GLIS1: variants seen among roughly 807,000 people sequenced by gnomAD.
GLIS1 encodes the protein zinc finger protein GLIS1.
Under a neutral mutation model 63.8 loss-of-function variants are expected in GLIS1, and 24 were observed. That is an observed-to-expected ratio of 0.38 (90% CI 0.27 to 0.53). GLIS1 has a LOEUF of 0.53. GLIS1 is among the 20% of genes least tolerant of loss of function. The pLI, the probability that GLIS1 is intolerant of heterozygous loss-of-function variation, is 0.85. For synonymous variants in GLIS1, 450 were observed against 482.5 expected (o/e 0.93, Z 0.88); for missense variants, 1,036 against 1,074.1 (o/e 0.96, Z 0.50).
Position 53,614,904 on chromosome 1 carries a change from A to ACG in GLIS1, c.260-14627_260-14626insCG, listed in dbSNP as rs563376429. Among the ~76,000 whole-genome samples the ACG allele has an allele frequency of 1.7e-3, 230 of 138,198 alleles. 2 individuals carry two copies. Among genetic ancestry groups the ACG allele is most frequent in the African/African-American group, 6.0e-3 (212 of 35,132 alleles). The allele number at this position is 138,198 out of a possible 152,430, so 90.7% of individuals were successfully genotyped here. A position where few individuals can be genotyped will look rare whatever the true frequency, so the allele number is the denominator to read the frequency against. On this transcript the variant is annotated intron_variant, in intron 2 of 10. Coordinates refer to ENST00000628545, the MANE Select transcript of GLIS1 (RefSeq NM_001367484.1). ...CTCTCTTATACTCACATATTCGTGCACACACTCACACACACTCTCACACAC... is the reference window on the plus strand; with the variant it reads ...CTCTCTTATACTCACATATTCGTGCACGCACACTCACACACACTCTCACACAC...
chr1:53,711,561 G>A (rs1170924568), intron 2 of GLIS1, among the ~76,000 whole-genome samples: 12 of 152,074 alleles, frequency 7.9e-5, no homozygotes, highest in Non-Finnish European at 1.0e-4. Context: ...CCCGGGGTCC[G>A]CCAAGCTAAG....
At chr1:53,692,909 G>A (rs1276507857) in intron 2 of GLIS1, among the ~76,000 whole-genome samples, 1 of 152,214 alleles carries the variant, frequency 6.6e-6, no homozygotes, top group East Asian at 1.9e-4. Context: ...TTCACTGGCT[G>A]GACTGGCCTC....
rs566746351 is a variant in GLIS1, at chr1:53,509,312, G to A, written c.2063-25C>T. The A allele has an allele frequency of 1.0e-4, 157 of 1,542,868 alleles. 2 individuals are homozygous for A. In the South Asian group the frequency reaches 1.3e-3, roughly 13 times the overall value. ...CCTGCAGACGGGGGTAGCAGGGGCC[G>A]CGTTCACAAAGGAGAAGTGCCCAGG... On this transcript the variant is annotated intron_variant, in intron 9 of 10. Transcript: ENST00000628545.
chr1:53,528,596 T>A (rs1412828177), intron 5 of GLIS1, among the ~76,000 whole-genome samples: 1 of 152,102 alleles, frequency 6.6e-6, no homozygotes, highest in African/African-American at 2.4e-5. Flanking sequence ...CCCTGCTGTT[T>A]TCTGGGCACT....
At chr1:53,671,892 C>T (rs574611626) in intron 2 of GLIS1, among the ~76,000 whole-genome samples, 3 of 152,094 alleles carry the variant, frequency 2.0e-5, no homozygotes, top group Non-Finnish European at 4.4e-5. Flanking sequence ...AACTCCAAAG[C>T]TCCTTCCCCT....
At position 53,510,033 on chromosome 1, in the gene GLIS1, G is replaced by A. The variant is rs1405959039; in HGVS notation, c.1884-6C>T. On this transcript the variant is annotated splice_region_variant and splice_polypyrimidine_tract_variant and intron_variant, in intron 8 of 10. Coordinates refer to ENST00000628545, the MANE Select transcript of GLIS1 (RefSeq NM_001367484.1). ...AGAGGAGGCCGGGCCCCAACCTGGA[G>A]AGAACAGAGGTGCCCATCAGCAGGC... 2 of 1,260,986 alleles carry A rather than the reference G, an allele frequency of 1.6e-6. No individual in the cohort carries two copies. The highest frequency in any genetic ancestry group is 3.9e-5 in the South Asian group (1 of 25,486). The allele number at this position is 1,260,986 out of a possible 1,614,324, so 78.1% of individuals were successfully genotyped here. A position where few individuals can be genotyped will look rare whatever the true frequency, so the allele number is the denominator to read the frequency against.
chr1:53,592,257 C>T (rs986356457), intron 4 of GLIS1, among the ~76,000 whole-genome samples: 1 of 152,192 alleles, frequency 6.6e-6, no homozygotes. Flanking sequence ...GCTAGATCCT[C>T]TCTGACTTCC....
chr1:53,595,199 G>A (rs1645242628), intron 3 of GLIS1, among the ~76,000 whole-genome samples: 1 of 152,026 alleles, frequency 6.6e-6, no homozygotes, highest in East Asian at 1.9e-4. Context: ...GGAGAGAGAG[G>A]AAGAGAAGGG....
At chr1:53,695,226 C>G (rs1296875221) in intron 2 of GLIS1, among the ~76,000 whole-genome samples, 1 of 152,254 alleles carries the variant, frequency 6.6e-6, no homozygotes, top group Non-Finnish European at 1.5e-5. Context: ...ACTTATGTGA[C>G]CACAGGCCGT....
At chr1:53,600,380 C>T in intron 2 of GLIS1, 102 bp from the exon 3 acceptor site, 1 of 615,696 alleles carries the variant, frequency 1.6e-6, no homozygotes, top group Non-Finnish European at 2.4e-6. Flanking sequence ...AGGGACAGGG[C>T]ACCCAGAGCC....
At chr1:53,532,136 T>G (rs1420542400) in intron 4 of GLIS1, among the ~76,000 whole-genome samples, 4 of 152,016 alleles carry the variant, frequency 2.6e-5, no homozygotes, top group African/African-American at 9.7e-5. Context: ...TTGGGGAAAG[T>G]GGAGACACTT....
intron 2 of GLIS1, among the ~76,000 whole-genome samples, chr1:53,645,068 C>T (rs1243117281): frequency 6.6e-6 from 1 of 152,170 alleles, no homozygotes; most frequent in Non-Finnish European, 1.5e-5. Flanking sequence ...ACTAAACAAA[C>T]GCACGCCAGC....
At chr1:53,620,188 G>T (rs1645527752) in intron 2 of GLIS1, among the ~76,000 whole-genome samples, 1 of 152,212 alleles carries the variant, frequency 6.6e-6, no homozygotes, top group African/African-American at 2.4e-5. Context: ...AGCTCTCCTA[G>T]GCTGCTGGGC....
intron 7 of GLIS1, among the ~76,000 whole-genome samples, chr1:53,515,339 C>G (rs1029135250): frequency 3.3e-5 from 5 of 151,978 alleles, no homozygotes; most frequent in African/African-American, 1.2e-4. Context: ...CTACCTCCCC[C>G]AGAGATATGC....
At chr1:53,684,382 T>A (rs1204419316) in intron 2 of GLIS1, among the ~76,000 whole-genome samples, 2 of 152,186 alleles carry the variant, frequency 1.3e-5, no homozygotes, top group African/African-American at 4.8e-5. Flanking sequence ...TAGAAGCCTC[T>A]AGGGGTCTCC....
intron 2 of GLIS1, among the ~76,000 whole-genome samples, chr1:53,667,629 C>T (rs528557620): frequency 6.6e-6 from 1 of 152,240 alleles, no homozygotes; most frequent in East Asian, 1.9e-4. Flanking sequence ...AATAAAACAC[C>T]TAACACTGGG....
intron 4 of GLIS1, among the ~76,000 whole-genome samples, chr1:53,592,283 G>C (rs557429979): frequency 1.2e-4 from 18 of 152,124 alleles, no homozygotes; most frequent in Non-Finnish European, 2.5e-4. Flanking sequence ...TTCCAACACA[G>C]ATACTCTTCT....
intron 2 of GLIS1, among the ~76,000 whole-genome samples, chr1:53,731,277 C>T (rs1646857763): frequency 6.6e-6 from 1 of 152,206 alleles, no homozygotes; most frequent in Non-Finnish European, 1.5e-5. Context: ...GGAACATTCT[C>T]CTTTCCCTAG....
At chr1:53,627,181 G>A (rs1380725309) in intron 2 of GLIS1, among the ~76,000 whole-genome samples, 1 of 152,210 alleles carries the variant, frequency 6.6e-6, no homozygotes, top group Non-Finnish European at 1.5e-5. Flanking sequence ...CAAAACCAAA[G>A]AGCTGAACGC....
Sources: gnomAD v4.1 joint callset for allele counts (sites outside exome capture counted in the v4.1 genomes callset) on GRCh38, gnomAD v4.1.1 for gene constraint, MANE v1.5 for transcripts, NCBI Gene and HGNC (gene_info 2026-07-23, HGNC 2026-07-21) for gene names.